RNF220: variants seen among roughly 807,000 people sequenced by gnomAD.
The protein encoded by RNF220 is E3 ubiquitin-protein ligase RNF220.
In RNF220, 7 loss-of-function variants were observed where a neutral mutation model predicts 67.1. That is an observed-to-expected ratio of 0.10 (90% CI 0.06 to 0.20). RNF220 has a LOEUF of 0.20. Among genes scored for constraint, RNF220 ranks in the 10% least tolerant of loss-of-function variants. The pLI is 1.00. For missense variants in RNF220, 565 were observed against 740.3 expected, an observed-to-expected ratio of 0.76 and a Z score of 2.75; for synonymous variants, 270 against 283.2, an observed-to-expected ratio of 0.95 and a Z score of 0.47.
intron 2 of RNF220, among the ~76,000 whole-genome samples, chr1:44,559,067 G>T (rs539618486): frequency 6.6e-6 from 1 of 152,208 alleles, no homozygotes; most frequent in Non-Finnish European, 1.5e-5. Flanking sequence ...TGTCCCTAGC[G>T]CCTAGCCCAA....
At chr1:44,449,729 T>C (rs1234660464) in intron 2 of RNF220, among the ~76,000 whole-genome samples, 1 of 152,156 alleles carries the variant, frequency 6.6e-6, no homozygotes, top group African/African-American at 2.4e-5. Context: ...ACCTTTTTAT[T>C]TTCTCTCAGA....
At chr1:44,636,682 A>C (rs902232528) in intron 8 of RNF220, among the ~76,000 whole-genome samples, 3 of 152,150 alleles carry the variant, frequency 2.0e-5, no homozygotes, top group Admixed American at 1.3e-4. Flanking sequence ...CATGAGCTTC[A>C]TTGGTGAATC....
chr1:44,464,567 T>A lies in RNF220; in HGVS notation c.625+51845T>A, dbSNP rs954486857. On this transcript the variant is annotated intron_variant, in intron 2 of 14. Transcript: ENST00000361799. Reference sequence around the variant, plus strand: ...AAGCAAGTCATATGAGTAAAGCACATCTGTGTGGCAGAGAAGATGGGAGGC... The same window carrying A: ...AAGCAAGTCATATGAGTAAAGCACAACTGTGTGGCAGAGAAGATGGGAGGC... Among the ~76,000 whole-genome samples, 10 of 152,220 alleles carry A rather than the reference T, an allele frequency of 6.6e-5. 1 individual carries two copies. The highest frequency in any genetic ancestry group is 5.2e-4 in the Admixed American group (8 of 15,276).
intron 2 of RNF220, among the ~76,000 whole-genome samples, chr1:44,611,433 C>A (rs1408741012): frequency 6.6e-6 from 1 of 152,218 alleles, no homozygotes; most frequent in Non-Finnish European, 1.5e-5. Context: ...GTGTACCAGG[C>A]TAATGGGGGC....
chr1:44,461,220 A>G (rs1215556125), intron 2 of RNF220, among the ~76,000 whole-genome samples: 2 of 152,186 alleles, frequency 1.3e-5, no homozygotes, highest in Non-Finnish European at 2.9e-5. Flanking sequence ...TACACCAAGA[A>G]AAAGGTAAAA....
intron 8 of RNF220, among the ~76,000 whole-genome samples, chr1:44,638,961 CTAA>C (rs1644409814): frequency 6.6e-6 from 1 of 152,190 alleles, no homozygotes; most frequent in African/African-American, 2.4e-5. Flanking sequence ...AGCTGTGTGT[CTAA>C]GTTGTTGATT....
At chr1:44,637,599 C>T (rs543642620) in intron 8 of RNF220, among the ~76,000 whole-genome samples, 6 of 152,364 alleles carry the variant, frequency 3.9e-5, no homozygotes, top group African/African-American at 1.4e-4. Flanking sequence ...GACCTGATGG[C>T]TTCTGGGCAC....
intron 2 of RNF220, among the ~76,000 whole-genome samples, chr1:44,549,660 A>G (rs1662463832): frequency 6.6e-6 from 1 of 152,016 alleles, no homozygotes; most frequent in Admixed American, 6.5e-5. Context: ...GCTGCTTCTT[A>G]ACTGGGGGAC....
At chr1:44,466,550 A>AAATG (rs1428165509) in intron 2 of RNF220, among the ~76,000 whole-genome samples, 2 of 152,218 alleles carry the variant, frequency 1.3e-5, no homozygotes, top group East Asian at 3.8e-4. Context: ...TAGCCTTACA[A>AAATG]AATGTATTTG....
chr1:44,593,930 C>T (rs1157898244), intron 2 of RNF220, among the ~76,000 whole-genome samples: 1 of 150,960 alleles, frequency 6.6e-6, no homozygotes, highest in Admixed American at 6.6e-5. Flanking sequence ...ACTAAAAATA[C>T]AAAAATTAGC....
chr1:44,592,228 C>A (rs1666168615), intron 2 of RNF220, among the ~76,000 whole-genome samples: 2 of 152,232 alleles, frequency 1.3e-5, no homozygotes, highest in South Asian at 4.1e-4. Flanking sequence ...TCCCGCAGCA[C>A]CACTCTGTGC....
intron 2 of RNF220, among the ~76,000 whole-genome samples, chr1:44,428,978 G>A (rs1022059964): frequency 2.7e-5 from 4 of 150,926 alleles, no homozygotes; most frequent in Non-Finnish European, 4.4e-5. Flanking sequence ...TTTGAATGAA[G>A]GAAGTGGTGA....
At chr1:44,515,330 T>G (rs1436240374) in intron 2 of RNF220, among the ~76,000 whole-genome samples, 1 of 152,148 alleles carries the variant, frequency 6.6e-6, no homozygotes, top group Non-Finnish European at 1.5e-5. Flanking sequence ...TTAACTGAGG[T>G]CAACACAATT....
chr1:44,642,419 G>A (rs1644513935), intron 8 of RNF220, among the ~76,000 whole-genome samples: 1 of 152,200 alleles, frequency 6.6e-6, no homozygotes. Context: ...CTCTGTGTGG[G>A]CACTGTGAGT....
At position 44,595,966 on chromosome 1, in the gene RNF220, G is replaced by A. The variant is rs1350981970; in HGVS notation, c.626-18199G>A. Among the ~76,000 whole-genome samples, 6 of 151,930 alleles carry A rather than the reference G, an allele frequency of 3.9e-5. No individual in the cohort carries two copies. In the South Asian group the frequency reaches 6.2e-4, roughly 16 times the overall value. On this transcript the variant is annotated intron_variant, in intron 2 of 14. Transcript: ENST00000361799. ...TTTTTAGTAGAGACGGGGTTTTGCC[G>A]TGTTAGCCAGGATGGTCTCGATCTC...
At position 44,417,026 on chromosome 1, in the gene RNF220, T is replaced by A. The variant is rs1200449378; in HGVS notation, c.625+4304T>A. Among the ~76,000 whole-genome samples the A allele has an allele frequency of 6.6e-6, 1 of 152,030 alleles. No homozygotes were observed. Among genetic ancestry groups the A allele is most frequent in the African/African-American group, 2.4e-5 (1 of 41,400 alleles). On this transcript the variant is annotated intron_variant, in intron 2 of 14. Coordinates refer to ENST00000361799, the MANE Select transcript of RNF220 (RefSeq NM_018150.4). The surrounding 1 kb of genome is among the most constrained non-coding windows in gnomAD (Gnocchi z 4.0). ...GAGGGGGGATACTTTCCAAGGGCTC[T>A]GGGACTGGGGTGGGCAGGGACTCTA...
At chr1:44,540,815 G>A (rs567569657) in intron 2 of RNF220, among the ~76,000 whole-genome samples, 1 of 152,190 alleles carries the variant, frequency 6.6e-6, no homozygotes, top group African/African-American at 2.4e-5. Context: ...ACCGAGGGAG[G>A]TGTACAAGAA....
At chr1:44,602,257 C>T (rs771836707) in intron 2 of RNF220, among the ~76,000 whole-genome samples, 2 of 151,916 alleles carry the variant, frequency 1.3e-5, no homozygotes, top group Non-Finnish European at 2.9e-5. Context: ...AGGTAACTGA[C>T]AAGGTGGGCT....
At position 44,412,652 on chromosome 1, in the gene RNF220, G is replaced by A. The variant is rs757404899; in HGVS notation, c.555G>A (p.Lys185=). Residue 185 remains lysine, a synonymous_variant, in exon 2 of 15, where the codon AAG becomes AAA. Transcript: ENST00000361799. The surrounding 1 kb of genome is among the most constrained non-coding windows in gnomAD (Gnocchi z 5.3). The stretch of plus-strand genomic sequence containing the variant: ...TAAAGGTTGATGACACTGGGAAGAA[G>A]ATTTTTGCTGTCTCTGGCCTCATTT... ...GSLKVDDTGK[K]IFAVSGLISD... is the part of the protein sequence containing the mutation. The A allele has an allele frequency of 2.5e-5, 40 of 1,614,072 alleles. No homozygotes were observed. The highest frequency in any genetic ancestry group is 5.0e-5 in the Admixed American group (3 of 60,008).
Sources: gnomAD v4.1 joint callset for allele counts (sites outside exome capture counted in the v4.1 genomes callset) on GRCh38, gnomAD v4.1.1 for gene constraint, Gnocchi (gnomAD v3.1) non-coding constraint, MANE v1.5 for transcripts, NCBI Gene and HGNC (gene_info 2026-07-23, HGNC 2026-07-21) for gene names.